The following COL6A3 variants were observed in gnomAD, a reference collection of about 807,000 sequenced individuals.
COL6A3 encodes the protein collagen type VI alpha 3 chain.
In COL6A3, 137 loss-of-function variants were observed where a neutral mutation model predicts 274.1. The ratio of observed to expected loss-of-function variants is 0.50; its 90% CI spans 0.44 to 0.58. The LOEUF is 0.58. Ranked by LOEUF, COL6A3 falls within the 20% of genes least tolerant of loss-of-function variation. The pLI, the probability that COL6A3 is intolerant of heterozygous loss-of-function variation, is 0.00. For synonymous variants in COL6A3, 1,650 were observed against 1,650.6 expected, an observed-to-expected ratio of 1.00 and a Z score of 0.01; for missense variants, 3,950 against 4,124.9, an observed-to-expected ratio of 0.96 and a Z score of 1.16.
At chr2:237,397,574 G>A (rs1387666430) in intron 1 of COL6A3, among the ~76,000 whole-genome samples, 5 of 152,168 alleles carry the variant, frequency 3.3e-5, no homozygotes, top group Non-Finnish European at 7.4e-5. Context: ...AATAGGCAGA[G>A]CTCTCTGTCT....
chr2:237,328,480 A>T (rs1325623292), intron 42 of COL6A3: 4 of 152,228 alleles, frequency 2.6e-5, no homozygotes, highest in African/African-American at 9.6e-5. Context: ...CCTTCCCACA[A>T]GCAATAATAT....
chr2:237,356,763 C>CG, intron 23 of COL6A3: 1 of 163,464 alleles, frequency 6.1e-6, no homozygotes, highest in Admixed American at 5.8e-5. Flanking sequence ...TTTTGGTTGG[C>CG]TTCAGAAAGA....
At chr2:237,370,366 G>C (rs1437109362) in intron 9 of COL6A3, among the ~76,000 whole-genome samples, 2 of 151,714 alleles carry the variant, frequency 1.3e-5, no homozygotes, top group Admixed American at 6.6e-5. Flanking sequence ...AGCCTCCCGA[G>C]TAGCTGGGAC....
chr2:237,364,167 T>C lies in COL6A3; in HGVS notation c.5917+183A>G, dbSNP rs146177196. ...GCTGTCTAAGTACAGAAGGAATTTT[T>C]GTTAGCTCCATCCCACAGCTCCAAG... On this transcript the variant is annotated intron_variant, in intron 13 of 43. Coordinates refer to ENST00000295550, the MANE Select transcript of COL6A3 (RefSeq NM_004369.4). This position sits in a 1 kb window ranked among gnomAD's most constrained non-coding sequence, Gnocchi z 4.6. Among the ~76,000 whole-genome samples, 3 of 152,312 alleles carry C rather than the reference T, an allele frequency of 2.0e-5. No homozygotes were observed. In the East Asian group the frequency reaches 5.8e-4, roughly 29 times the overall value.
chr2:237,379,030 A>G lies in COL6A3; in HGVS notation c.2103T>C (p.Asp701=). ...FSLNTYQTKS[D]ILGHLRQLQL... is the part of the protein sequence containing the mutation. ...GCAGCTGCCTCAGATGACCAAGGATATCTGACTTGGTCTGGTATGTGTTTA... is the reference window on the plus strand; with the variant it reads ...GCAGCTGCCTCAGATGACCAAGGATGTCTGACTTGGTCTGGTATGTGTTTA... The change falls in exon 6 of 44, where the codon GAT becomes GAC. Residue 701 remains aspartate (D), a synonymous_variant. Coordinates refer to ENST00000295550, the MANE Select transcript of COL6A3 (RefSeq NM_004369.4). 6.2e-7 allele frequency: 1 copy of G among 1,614,228 alleles called. No individual in the cohort carries two copies. The highest frequency in any genetic ancestry group is 8.5e-7 in the Non-Finnish European group (1 of 1,180,040).
intron 6 of COL6A3, among the ~76,000 whole-genome samples, chr2:237,378,347 T>A (rs2077905618): frequency 6.6e-6 from 1 of 152,132 alleles, no homozygotes; most frequent in Admixed American, 6.5e-5. Flanking sequence ...GGATTCGAAC[T>A]CCAGAATCCT....
At chr2:237,353,223 T>C (rs895200131) in intron 25 of COL6A3, 118 bp downstream of exon 25, 2 of 958,378 alleles carry the variant, frequency 2.1e-6, no homozygotes, top group East Asian at 2.6e-5. Context: ...AAGTACCAAA[T>C]GCCACTGGAT....
intron 38 of COL6A3, 40 bp downstream of exon 38, chr2:237,340,412 A>G (rs2076960548): frequency 6.3e-7 from 1 of 1,580,844 alleles, no homozygotes; most frequent in Non-Finnish European, 8.6e-7. Context: ...CCCGAGCATA[A>G]AGCCAGGCCA....
intron 6 of COL6A3, 48 bp downstream of exon 6, chr2:237,378,588 T>C (rs747376578): frequency 1.2e-6 from 2 of 1,611,768 alleles, no homozygotes; most frequent in Non-Finnish European, 1.7e-6. Context: ...CCCTCCAGGG[T>C]GGTGTCTGAG....
rs536159761 is a variant in COL6A3, at chr2:237,351,331, A to G, written c.6754-139T>C. On this transcript the variant is annotated intron_variant, in intron 26 of 43. Transcript: ENST00000295550. ...CCTGTCCCACCTGCAAATCCCAAGC[A>G]CTCAGCTCTGAGCACGGGGCTACGG... 1.0e-4 allele frequency: 79 copies of G among 769,444 alleles called. No individual in the cohort carries two copies. The East Asian group carries it at 1.9e-3, about 19-fold the overall frequency. 47.7% of individuals were successfully genotyped at this position (769,444 alleles called of 1,614,324 possible). A position where few individuals can be genotyped will look rare whatever the true frequency, so the allele number is the denominator to read the frequency against.
In COL6A3 at chr2:237,379,140, G is replaced by T; in HGVS notation, c.1993C>A (p.Leu665Ile). The change falls in exon 6 of 44, where the codon CTA becomes ATA. Residue 665 changes from leucine (L) to isoleucine (I), a missense_variant. By Grantham distance (5) the Leu-to-Ile change is conservative (BLOSUM62 2). Coordinates refer to ENST00000295550, the MANE Select transcript of COL6A3 (RefSeq NM_004369.4). ...FPYVRDFVMN[L>I]VNSLDIGNDN... Reference sequence around the variant, plus strand: ...TTTCCAATATCAAGGCTGTTAACTAGGTTCATTACAAAGTCGCGCACATAA... The same window carrying T: ...TTTCCAATATCAAGGCTGTTAACTATGTTCATTACAAAGTCGCGCACATAA... The T allele has an allele frequency of 6.2e-7, 1 of 1,614,200 alleles. No homozygotes were observed. The highest frequency in any genetic ancestry group is 8.5e-7 in the Non-Finnish European group (1 of 1,180,034).
intron 17 of COL6A3, among the ~76,000 whole-genome samples, chr2:237,359,735 C>G (rs1182840334): frequency 1.3e-5 from 2 of 152,216 alleles, no homozygotes; most frequent in African/African-American, 4.8e-5. Context: ...GCCTTCAACC[C>G]ACCTGCTGTC....
intron 25 of COL6A3, 38 bp downstream of exon 25, chr2:237,353,303 A>C: frequency 6.3e-7 from 1 of 1,597,148 alleles, no homozygotes; most frequent in Non-Finnish European, 8.6e-7. Context: ...GATTTGTGAA[A>C]TATCAGAGGG....
intron 1 of COL6A3, among the ~76,000 whole-genome samples, chr2:237,399,857 C>T (rs928062580): frequency 1.4e-4 from 22 of 152,286 alleles, no homozygotes; most frequent in South Asian, 2.1e-4. Context: ...GACCCATGTC[C>T]CTTGATGGTG....
At chr2:237,358,459 C>T (rs2077364819) in intron 21 of COL6A3, 62 bp downstream of exon 21, 10 of 1,323,380 alleles carry the variant, frequency 7.6e-6, no homozygotes, top group Non-Finnish European at 1.1e-5. Context: ...CTTTCATCCC[C>T]CTTTCCCAAC....
At position 237,352,506 on chromosome 2, in the gene COL6A3, A is replaced by G. The variant is rs1300361888; in HGVS notation, c.6753+16T>C. On this transcript the variant is annotated intron_variant, in intron 26 of 43. Coordinates refer to ENST00000295550, the MANE Select transcript of COL6A3 (RefSeq NM_004369.4). ...CTGTTCAGCTAGAGAGGGGGCTGGT[A>G]TTAGGACAGGCTTACCCGAGGTCCA... 2 of 1,608,628 alleles carry G rather than the reference A, an allele frequency of 1.2e-6. No individual in the cohort carries two copies. Among genetic ancestry groups the G allele is most frequent in the Non-Finnish European group, 8.5e-7 (1 of 1,177,526 alleles).
At chr2:237,363,151 C>G (rs531437277) in intron 14 of COL6A3, 102 bp downstream of exon 14, 128 of 1,188,006 alleles carry the variant, frequency 1.1e-4, no homozygotes, top group Middle Eastern at 6.5e-4. Flanking sequence ...AGGCCCCCCC[C>G]CCACCTCCAT....
rs773896666 is a variant in COL6A3, at chr2:237,364,367, T to C, written c.5900A>G (p.Glu1967Gly). Residue 1967 changes from glutamate to glycine, a missense_variant, in exon 13 of 44, where the codon GAG becomes GGG. Glu to Gly is a moderately conservative substitution (Grantham distance 98, BLOSUM62 -2). This residue lies in a region of COL6A3 where 632 missense variants were observed against 623.4 expected (regional missense o/e 1.01). Coordinates refer to ENST00000295550, the MANE Select transcript of COL6A3 (RefSeq NM_004369.4). This position sits in a 1 kb window ranked among gnomAD's most constrained non-coding sequence, Gnocchi z 4.6. ...GDLADLHRAS[E>G]NLRQEGVRAL... ...GCACCTACCTTCTTGGCGGAGGTTC[T>C]CAGATGCTCTGTGTAAATCAGCCAG... 2 of 1,613,990 alleles carry C rather than the reference T, an allele frequency of 1.2e-6. No individual in the cohort carries two copies. Among genetic ancestry groups the C allele is most frequent in the South Asian group, 2.2e-5 (2 of 91,086 alleles).
rs147792340 is a variant in COL6A3, at chr2:237,344,658, C to T, written c.7360G>A (p.Val2454Met). 1.3e-5 allele frequency: 21 copies of T among 1,613,490 alleles called. No individual in the cohort carries two copies. Among genetic ancestry groups the T allele is most frequent in the South Asian group, 7.7e-5 (7 of 91,056 alleles). ...TCAGCAAACCGGATCTCCGTGGTCACCTCGTTGTTGTAGGTGACCACAGCC... is the reference window on the plus strand; with the variant it reads ...TCAGCAAACCGGATCTCCGTGGTCATCTCGTTGTTGTAGGTGACCACAGCC... ...RVAVVTYNNE[V>M]TTEIRFADSK... The change falls in exon 36 of 44, where the codon GTG (valine) becomes ATG (methionine). Residue 2454 changes from valine (V) to methionine (M), a missense_variant. Transcript: ENST00000295550. The surrounding 1 kb of genome is among the most constrained non-coding windows in gnomAD (Gnocchi z 4.8).
Sources: gnomAD v4.1 joint callset for allele counts (sites outside exome capture counted in the v4.1 genomes callset) on GRCh38, gnomAD v4.1.1 for gene constraint, gnomAD v4.1.1 regional missense constraint, Gnocchi (gnomAD v3.1) non-coding constraint, MANE v1.5 for transcripts, NCBI Gene and HGNC (gene_info 2026-07-23, HGNC 2026-07-21) for gene names.